Variants in SLIT3 observed in about 807,000 individuals in gnomAD.
SLIT3 encodes slit guidance ligand 3, also known as slit homolog 3 protein.
Under a neutral mutation model 184.0 loss-of-function variants are expected in SLIT3, and 68 were observed. That is an observed-to-expected ratio of 0.37 (90% CI 0.30 to 0.45). The LOEUF is 0.45. Ranked by LOEUF, SLIT3 falls within the 20% of genes least tolerant of loss-of-function variation. SLIT3 has a pLI of 1.00. For synonymous variants in SLIT3, 831 were observed against 828.6 expected, an observed-to-expected ratio of 1.00 and a Z score of -0.05; for missense variants, 1,707 against 2,026.0, an observed-to-expected ratio of 0.84 and a Z score of 3.02.
At chr5:168,871,491 C>G (rs1002513119) in intron 5 of SLIT3, among the ~76,000 whole-genome samples, 1 of 151,882 alleles carries the variant, frequency 6.6e-6, no homozygotes, top group Non-Finnish European at 1.5e-5. Flanking sequence ...AAGTTACACC[C>G]TCTTTTTCTC....
At position 168,663,929 on chromosome 5, in the gene SLIT3, A is replaced by G. The variant is rs1760950895; in HGVS notation, c.*2525T>C. On this transcript the variant is annotated 3_prime_UTR_variant, in exon 36 of 36. Transcript: ENST00000519560. ...TTTGTCACAGGCTGTAGGATCCTCA[A>G]AGGCAGGATGTGTTTCTTTCCCATG... is the stretch of plus-strand genomic sequence containing the variant. The G allele has an allele frequency of 1.3e-5, 2 of 152,144 alleles. No homozygotes were observed. The highest frequency in any genetic ancestry group is 1.3e-4 in the Admixed American group (2 of 15,266). The allele number at this position is 152,144 out of a possible 1,614,324, so 9.4% of individuals were successfully genotyped here. A position where few individuals can be genotyped will look rare whatever the true frequency, so the allele number is the denominator to read the frequency against.
At chr5:169,004,678 C>T (rs955612393) in intron 4 of SLIT3, among the ~76,000 whole-genome samples, 1 of 152,092 alleles carries the variant, frequency 6.6e-6, no homozygotes, top group Non-Finnish European at 1.5e-5. Context: ...AAAGCCTAAC[C>T]ACCAAGACGA....
At chr5:168,793,228 T>TC in intron 10 of SLIT3, among the ~76,000 whole-genome samples, 2 of 152,128 alleles carry the variant, frequency 1.3e-5, no homozygotes, top group East Asian at 3.9e-4. Context: ...TTCTTTTTTT[T>TC]CTCTCCCCCC....
chr5:169,280,781 C>T (rs1766968638), intron 1 of SLIT3, among the ~76,000 whole-genome samples: 1 of 152,140 alleles, frequency 6.6e-6, no homozygotes, highest in African/African-American at 2.4e-5. Flanking sequence ...TGTCTCCCTC[C>T]CAGCTTTGCT....
At chr5:169,213,540 C>A (rs1764341056) in intron 3 of SLIT3, among the ~76,000 whole-genome samples, 1 of 152,168 alleles carries the variant, frequency 6.6e-6, no homozygotes, top group Admixed American at 6.5e-5. Flanking sequence ...GAGCTGACAT[C>A]TTCACTTTCT....
chr5:168,728,456 A>T (rs1763202653), intron 20 of SLIT3, among the ~76,000 whole-genome samples: 1 of 152,158 alleles, frequency 6.6e-6, no homozygotes, highest in South Asian at 2.1e-4. Flanking sequence ...CCAGCAACAG[A>T]TCCCAATCAA....
intron 4 of SLIT3, among the ~76,000 whole-genome samples, chr5:169,148,394 G>A (rs1303116851): frequency 1.3e-5 from 2 of 152,128 alleles, no homozygotes; most frequent in South Asian, 2.1e-4. Context: ...ACGTCCACAC[G>A]GGCAGAAAAA....
At chr5:169,102,189 G>A (rs1012247861) in intron 4 of SLIT3, among the ~76,000 whole-genome samples, 4 of 151,696 alleles carry the variant, frequency 2.6e-5, no homozygotes, top group African/African-American at 7.3e-5. Flanking sequence ...AAGGAAACAT[G>A]TGTGTTGGGG....
intron 3 of SLIT3, among the ~76,000 whole-genome samples, chr5:169,196,829 C>G (rs1763758093): frequency 1.3e-5 from 2 of 152,204 alleles, no homozygotes; most frequent in Admixed American, 6.5e-5. Context: ...AGGCAATGAA[C>G]CACCCTGTGT....
intron 11 of SLIT3, among the ~76,000 whole-genome samples, chr5:168,788,372 G>C (rs1326273322): frequency 6.6e-6 from 1 of 152,172 alleles, no homozygotes; most frequent in Non-Finnish European, 1.5e-5. Context: ...CCTTCCCGGT[G>C]GGATGGGGCC....
In SLIT3 at chr5:169,134,023, A is replaced by C. The variant is rs138227839; in HGVS notation, c.413+59456T>G. ...TGTTTTATCATTTCCTAAGATGCAA[A>C]TGTTTCATTAATAATGCAGGTTTTC... On this transcript the variant is annotated intron_variant, in intron 4 of 35. Coordinates refer to ENST00000519560, the MANE Select transcript of SLIT3 (RefSeq NM_003062.4). 1.2e-3 allele frequency among the ~76,000 whole-genome samples: 176 copies of C among 152,280 alleles called. 1 individual carries two copies. The highest frequency in any genetic ancestry group is 3.9e-3 in the African/African-American group (164 of 41,538).
intron 4 of SLIT3, among the ~76,000 whole-genome samples, chr5:169,065,777 C>T (rs1280609375): frequency 6.6e-6 from 1 of 152,206 alleles, no homozygotes; most frequent in African/African-American, 2.4e-5. Flanking sequence ...TGCACCCCTG[C>T]TTCTCTGTCC....
chr5:168,755,415 T>C (rs533048618), intron 16 of SLIT3, among the ~76,000 whole-genome samples: 40 of 25,380 alleles, frequency 1.6e-3, no homozygotes, highest in East Asian at 0.013. Context: ...CTTTCTTTCT[T>C]TCTTTCTTTC....
At chr5:168,707,843 A>G (rs1035140401) in intron 26 of SLIT3, 133 bp downstream of exon 26, 6 of 1,061,362 alleles carry the variant, frequency 5.7e-6, no homozygotes, top group Non-Finnish European at 8.2e-6. Context: ...TGGAGTGGTG[A>G]CCTGTGCGAT....
At chr5:169,257,975 C>T (rs547921074) in intron 1 of SLIT3, among the ~76,000 whole-genome samples, 23 of 152,280 alleles carry the variant, frequency 1.5e-4, no homozygotes, top group African/African-American at 3.1e-4. Flanking sequence ...ACCCATACTA[C>T]GCACCAGGTA....
intron 3 of SLIT3, among the ~76,000 whole-genome samples, chr5:169,230,113 CT>C (rs975073836): frequency 1.2e-3 from 179 of 152,204 alleles, no homozygotes; most frequent in African/African-American, 4.1e-3. Flanking sequence ...GGAGCTATAC[CT>C]GTCAATCATT....
intron 16 of SLIT3, among the ~76,000 whole-genome samples, chr5:168,756,621 C>A (rs965206650): frequency 1.2e-4 from 18 of 152,272 alleles, no homozygotes; most frequent in Admixed American, 3.3e-4. Flanking sequence ...TCTTATAAAT[C>A]CTGGTAGCCC....
rs908412692 is a variant in SLIT3, at chr5:168,722,248, G to A, written c.2483+8C>T. The A allele has an allele frequency of 2.5e-6, 4 of 1,613,242 alleles. No individual in the cohort carries two copies. The highest frequency in any genetic ancestry group is 1.7e-5 in the Admixed American group (1 of 59,996). On this transcript the variant is annotated splice_region_variant and intron_variant, in intron 23 of 35. Coordinates refer to ENST00000519560, the MANE Select transcript of SLIT3 (RefSeq NM_003062.4). Reference sequence around the variant, plus strand: ...TGTAAGTCAAAATCAGCACATTGGGGTACTCACAGCACTCGCAGGGACCGC... The same window carrying A: ...TGTAAGTCAAAATCAGCACATTGGGATACTCACAGCACTCGCAGGGACCGC...
chr5:168,826,432 G>A (rs1420169771), intron 6 of SLIT3, among the ~76,000 whole-genome samples: 1 of 152,160 alleles, frequency 6.6e-6, no homozygotes, highest in Non-Finnish European at 1.5e-5. Flanking sequence ...ACAGAGTACT[G>A]CATTCTATTT....
Sources: allele counts gnomAD v4.1 joint callset (sites outside exome capture counted in the v4.1 genomes callset), GRCh38; gene constraint gnomAD v4.1.1; transcripts MANE v1.5; gene names NCBI Gene and HGNC (gene_info 2026-07-23, HGNC 2026-07-21).